The following SLIT3 variants were observed in gnomAD, a reference collection of about 807,000 sequenced individuals.
SLIT3 encodes slit guidance ligand 3.
Under a neutral mutation model 184.0 loss-of-function variants are expected in SLIT3, and 68 were observed. That is an observed-to-expected ratio of 0.37 (90% CI 0.30 to 0.45). The LOEUF is 0.45. SLIT3 is among the 20% of genes least tolerant of loss of function. SLIT3 has a pLI of 1.00. For synonymous variants in SLIT3, 831 were observed against 828.6 expected, an observed-to-expected ratio of 1.00 and a Z score of -0.05; for missense variants, 1,707 against 2,026.0, an observed-to-expected ratio of 0.84 and a Z score of 3.02.
At chr5:168,747,697 G>C (rs537647232) in intron 20 of SLIT3, among the ~76,000 whole-genome samples, 2 of 152,250 alleles carry the variant, frequency 1.3e-5, no homozygotes, top group East Asian at 3.9e-4. Context: ...TGAGCTGGGA[G>C]TTTCTGGTGC....
At chr5:168,838,589 G>T (rs1178245859) in intron 6 of SLIT3, among the ~76,000 whole-genome samples, 2 of 152,166 alleles carry the variant, frequency 1.3e-5, no homozygotes, top group East Asian at 3.8e-4. Flanking sequence ...ACTGCGACTT[G>T]CATTAAACTC....
chr5:168,770,806 G>A (rs1340896782), intron 14 of SLIT3, among the ~76,000 whole-genome samples: 1 of 152,112 alleles, frequency 6.6e-6, no homozygotes, highest in Admixed American at 6.5e-5. Context: ...TAGTGGCAGA[G>A]CTAGAGTTAG....
At chr5:169,172,198 A>C (rs1762841248) in intron 4 of SLIT3, among the ~76,000 whole-genome samples, 1 of 152,242 alleles carries the variant, frequency 6.6e-6, no homozygotes, top group Non-Finnish European at 1.5e-5. Context: ...GGACCACAGA[A>C]TTGCCAACCT....
At chr5:168,718,111 T>TGA (rs1054560281) in intron 23 of SLIT3, 8 of 151,258 alleles carry the variant, frequency 5.3e-5, no homozygotes, top group Non-Finnish European at 8.8e-5. Context: ...GAGGTCACAG[T>TGA]GAGTCACCTT....
At chr5:168,814,861 G>A (rs982593646) in intron 8 of SLIT3, among the ~76,000 whole-genome samples, 5 of 152,172 alleles carry the variant, frequency 3.3e-5, no homozygotes, top group Admixed American at 6.5e-5. Context: ...AATCTTCATG[G>A]ATGTTCACTG....
At chr5:169,089,910 A>G (rs945233570) in intron 4 of SLIT3, among the ~76,000 whole-genome samples, 4 of 152,184 alleles carry the variant, frequency 2.6e-5, no homozygotes, top group Admixed American at 2.6e-4. Context: ...TTCCTACCCT[A>G]GGCTACATCC....
chr5:169,171,455 C>A (rs934846514), intron 4 of SLIT3, among the ~76,000 whole-genome samples: 1 of 152,188 alleles, frequency 6.6e-6, no homozygotes, highest in Admixed American at 6.5e-5. Context: ...GTGTCTGTTG[C>A]AAGTTTCCTT....
intron 4 of SLIT3, among the ~76,000 whole-genome samples, chr5:169,021,467 C>T (rs62379474): frequency 0.022 from 3,377 of 152,264 alleles, 56 homozygotes; most frequent in Non-Finnish European, 0.034. Flanking sequence ...TCTCCTGCCT[C>T]AGCCTCCAGA....
chr5:168,954,849 G>A (rs1561571628), intron 4 of SLIT3, among the ~76,000 whole-genome samples: 1 of 152,172 alleles, frequency 6.6e-6, no homozygotes, highest in African/African-American at 2.4e-5. Context: ...AGGTCACAGT[G>A]GCCAGATCTT....
At chr5:168,776,666 C>G (rs61065269) in intron 12 of SLIT3, among the ~76,000 whole-genome samples, 31,791 of 152,164 alleles carry the variant, frequency 0.21, 3,835 homozygotes, top group Middle Eastern at 0.37. Context: ...ATCCCTCCCC[C>G]CTGCAAATTC....
At chr5:168,769,620 T>C (rs975395882) in intron 14 of SLIT3, among the ~76,000 whole-genome samples, 12 of 152,180 alleles carry the variant, frequency 7.9e-5, no homozygotes, top group Admixed American at 3.3e-4. Flanking sequence ...TGCAGGGCTC[T>C]GTGAACACTG....
At chr5:168,833,043 A>G (rs1238886797) in intron 6 of SLIT3, among the ~76,000 whole-genome samples, 1 of 152,216 alleles carries the variant, frequency 6.6e-6, no homozygotes, top group Non-Finnish European at 1.5e-5. Context: ...TTATCTTTAA[A>G]TGATTGTAAA....
intron 4 of SLIT3, among the ~76,000 whole-genome samples, chr5:169,002,322 CAAAAAAAAAAA>C (rs397999882): frequency 0.032 from 764 of 24,114 alleles, 1 homozygote; most frequent in African/African-American, 0.061. Context: ...GACTCTGTCT[CAAAAAAAAAAA>C]AAAAAAAAAA....
intron 3 of SLIT3, among the ~76,000 whole-genome samples, chr5:169,199,124 G>A (rs184238250): frequency 6.6e-6 from 1 of 152,042 alleles, no homozygotes; most frequent in Non-Finnish European, 1.5e-5. Flanking sequence ...AGTGTTCTTG[G>A]GTAACTAGTG....
chr5:168,856,844 G>T (rs1758898506), intron 5 of SLIT3, among the ~76,000 whole-genome samples: 1 of 151,196 alleles, frequency 6.6e-6, no homozygotes, highest in African/African-American at 2.4e-5. Flanking sequence ...CTGGTTCTCA[G>T]AGAAGGCAAG....
chr5:168,783,321 C>A (rs1390980093), intron 12 of SLIT3, among the ~76,000 whole-genome samples: 1 of 151,938 alleles, frequency 6.6e-6, no homozygotes, highest in African/African-American at 2.4e-5. Flanking sequence ...GAATTTTGGG[C>A]ATTTGCCCAA....
chr5:169,284,524 T>C (rs1767093185), intron 1 of SLIT3, among the ~76,000 whole-genome samples: 1 of 152,212 alleles, frequency 6.6e-6, no homozygotes, highest in Admixed American at 6.5e-5. Flanking sequence ...CTAATATAGG[T>C]ACCATTTTAA....
intron 4 of SLIT3, among the ~76,000 whole-genome samples, chr5:169,078,380 A>G (rs1758828685): frequency 6.6e-6 from 1 of 152,082 alleles, no homozygotes; most frequent in Non-Finnish European, 1.5e-5. Context: ...CTTCACAAAT[A>G]TATTTCTCCT....
chr5:169,137,104 C>A (rs531461206), intron 4 of SLIT3, among the ~76,000 whole-genome samples: 1 of 152,258 alleles, frequency 6.6e-6, no homozygotes, highest in South Asian at 2.1e-4. Flanking sequence ...GACTTCCCGA[C>A]AGCTTCTCAT....
Sources: allele counts gnomAD v4.1 joint callset (sites outside exome capture counted in the v4.1 genomes callset), GRCh38; gene constraint gnomAD v4.1.1; transcripts MANE v1.5; gene names NCBI Gene and HGNC (gene_info 2026-07-23, HGNC 2026-07-21).